Variants in LRMDA observed in about 807,000 individuals in gnomAD.
LRMDA encodes leucine-rich melanocyte differentiation-associated protein.
LRMDA carries 18 observed loss-of-function variants against 29.8 expected under a neutral mutation model. That is an observed-to-expected ratio of 0.60 (90% CI 0.42 to 0.90). The LOEUF (loss-of-function observed/expected upper bound fraction) is 0.90, where lower values mean the gene tolerates loss of function less well. Among genes scored for constraint, LRMDA ranks in the 40% least tolerant of loss-of-function variants. The pLI, the probability that LRMDA is intolerant of heterozygous loss-of-function variation, is 0.00. For synonymous variants in LRMDA, 125 were observed against 109.4 expected (o/e 1.14, Z -0.89); for missense variants, 273 against 273.9 (o/e 1.00, Z 0.02).
rs1205092468 is a variant in LRMDA at position 76,336,031 on chromosome 10, G to A, written c.601+11546G>A. ...GGAGTCTATTAAGATAGTTGAGGGAGGCTTAGAATTTTATTTTTGGTTTAC... is the reference window on the plus strand; with the variant it reads ...GGAGTCTATTAAGATAGTTGAGGGAAGCTTAGAATTTTATTTTTGGTTTAC... On this transcript the variant is annotated intron_variant, in intron 6 of 6. Transcript: ENST00000611255. 2.0e-5 allele frequency among the ~76,000 whole-genome samples: 3 copies of A among 152,088 alleles called. No individual in the cohort carries two copies. In the East Asian group the frequency reaches 5.8e-4, roughly 29 times the overall value.
chr10:75,892,391 A>G (rs866529320), intron 2 of LRMDA, among the ~76,000 whole-genome samples: 10 of 152,144 alleles, frequency 6.6e-5, no homozygotes, highest in African/African-American at 2.4e-4. Context: ...ATCCTGCCCT[A>G]TTGCAGCACA....
intron 2 of LRMDA, among the ~76,000 whole-genome samples, chr10:75,808,307 A>G (rs1157577466): frequency 2.0e-5 from 3 of 152,162 alleles, no homozygotes; most frequent in African/African-American, 2.4e-5. Flanking sequence ...GCTGAGAACC[A>G]TTTATGTTTA....
chr10:76,516,474 C>T (rs1439306254), intron 6 of LRMDA, among the ~76,000 whole-genome samples: 2 of 152,038 alleles, frequency 1.3e-5, no homozygotes, highest in South Asian at 4.1e-4. Flanking sequence ...AGGTATATCT[C>T]CTAATGCTAT....
chr10:76,425,817 T>C (rs1184549794), intron 6 of LRMDA, among the ~76,000 whole-genome samples: 1 of 150,394 alleles, frequency 6.6e-6, no homozygotes, highest in Non-Finnish European at 1.5e-5. Context: ...GTGTTCTCAT[T>C]GTTCAGTTCC....
At chr10:75,706,561 T>A (rs1286819740) in intron 2 of LRMDA, among the ~76,000 whole-genome samples, 1 of 152,164 alleles carries the variant, frequency 6.6e-6, no homozygotes, top group African/African-American at 2.4e-5. Context: ...TCACTTAAAA[T>A]TCTGCTTTAG....
chr10:75,980,544 A>G (rs1041778453), intron 2 of LRMDA, among the ~76,000 whole-genome samples: 1 of 152,196 alleles, frequency 6.6e-6, no homozygotes, highest in Non-Finnish European at 1.5e-5. Flanking sequence ...TCTGTCATGC[A>G]GGTCAGCTTG....
At chr10:75,848,167 T>C (rs1347293747) in intron 2 of LRMDA, among the ~76,000 whole-genome samples, 1 of 152,146 alleles carries the variant, frequency 6.6e-6, no homozygotes, top group East Asian at 1.9e-4. Context: ...AGCCCAAATG[T>C]CCATCAATGG....
intron 2 of LRMDA, among the ~76,000 whole-genome samples, chr10:75,849,166 C>G (rs1844689717): frequency 6.6e-6 from 1 of 152,152 alleles, no homozygotes; most frequent in Admixed American, 6.5e-5. Flanking sequence ...GTCTTTCAGT[C>G]TGAGAGTGGT....
At chr10:75,451,891 G>T (rs1003248198) in intron 2 of LRMDA, among the ~76,000 whole-genome samples, 2 of 139,024 alleles carry the variant, frequency 1.4e-5, no homozygotes, top group African/African-American at 2.6e-5. Flanking sequence ...AAAAAAAAAA[G>T]CATTTTTTTG....
chr10:75,624,060 G>A (rs183743415), intron 2 of LRMDA, among the ~76,000 whole-genome samples: 33 of 152,232 alleles, frequency 2.2e-4, no homozygotes, highest in Admixed American at 5.9e-4. Flanking sequence ...AAACAATTAC[G>A]GAATCATACA....
At chr10:75,455,089 G>A (rs1349497675) in intron 2 of LRMDA, among the ~76,000 whole-genome samples, 1 of 152,152 alleles carries the variant, frequency 6.6e-6, no homozygotes, top group African/African-American at 2.4e-5. Context: ...TGGTACAACG[G>A]GACCCCTCCT....
chr10:75,642,147 T>C (rs1486499626), intron 2 of LRMDA, among the ~76,000 whole-genome samples: 3 of 152,166 alleles, frequency 2.0e-5, no homozygotes. Context: ...AGGGTGGATC[T>C]GAAAGTTTAT....
intron 2 of LRMDA, among the ~76,000 whole-genome samples, chr10:75,949,158 G>T (rs1846530349): frequency 6.6e-6 from 1 of 152,176 alleles, no homozygotes. Flanking sequence ...ACAAAGAAAA[G>T]ACCTTAGGTG....
At chr10:75,841,384 A>G (rs1844538513) in intron 2 of LRMDA, among the ~76,000 whole-genome samples, 1 of 152,196 alleles carries the variant, frequency 6.6e-6, no homozygotes, top group African/African-American at 2.4e-5. Flanking sequence ...GATTGCCCTC[A>G]GGAAGAGCAT....
intron 6 of LRMDA, among the ~76,000 whole-genome samples, chr10:76,492,135 G>A (rs796705326): frequency 3.9e-5 from 6 of 152,166 alleles, no homozygotes; most frequent in African/African-American, 1.4e-4. Flanking sequence ...CCTCGAAACA[G>A]CTATTTTGAA....
chr10:76,411,507 C>T (rs1406615691), intron 6 of LRMDA, among the ~76,000 whole-genome samples: 1 of 152,228 alleles, frequency 6.6e-6, no homozygotes, highest in Non-Finnish European at 1.5e-5. Context: ...GACATTATTT[C>T]CCTAAAGGGA....
At chr10:76,060,119 C>T (rs1848680770) in intron 5 of LRMDA, among the ~76,000 whole-genome samples, 1 of 152,160 alleles carries the variant, frequency 6.6e-6, no homozygotes, top group Admixed American at 6.5e-5. Flanking sequence ...CAGAGATAGC[C>T]AGCATGACCA....
intron 2 of LRMDA, among the ~76,000 whole-genome samples, chr10:75,869,193 G>A (rs536759716): frequency 6.6e-6 from 1 of 152,282 alleles, no homozygotes; most frequent in South Asian, 2.1e-4. Flanking sequence ...AAGTCTTTGA[G>A]GCACAGGGAA....
intron 6 of LRMDA, among the ~76,000 whole-genome samples, chr10:76,472,180 C>T (rs1211408423): frequency 5.3e-5 from 8 of 151,770 alleles, no homozygotes; most frequent in African/African-American, 1.2e-4. Context: ...GGCCATAAAA[C>T]AAGCCTCAAT....
Sources: gnomAD v4.1 joint callset for allele counts (sites outside exome capture counted in the v4.1 genomes callset) on GRCh38, gnomAD v4.1.1 for gene constraint, MANE v1.5 for transcripts, NCBI Gene and HGNC (gene_info 2026-07-23, HGNC 2026-07-21) for gene names.